CACNG2: variants seen among roughly 807,000 people sequenced by gnomAD.
CACNG2 encodes the protein calcium voltage-gated channel auxiliary subunit gamma 2, also known as voltage-dependent calcium channel gamma-2 subunit.
CACNG2 carries 3 observed loss-of-function variants against 25.9 expected under a neutral mutation model. The ratio of observed to expected loss-of-function variants is 0.12; its 90% CI spans 0.05 to 0.30. The LOEUF (loss-of-function observed/expected upper bound fraction) is 0.30. Ranked by LOEUF, CACNG2 falls within the 10% of genes least tolerant of loss-of-function variation. CACNG2 has a pLI of 1.00. For missense variants in CACNG2, 341 were observed against 432.5 expected (o/e 0.79, Z 1.88); for synonymous variants, 167 against 173.3 (o/e 0.96, Z 0.29).
intron 1 of CACNG2, among the ~76,000 whole-genome samples, chr22:36,694,699 T>G (rs1183278564): frequency 6.6e-6 from 1 of 152,154 alleles, no homozygotes; most frequent in Non-Finnish European, 1.5e-5. Flanking sequence ...GGTCCCCTGC[T>G]AGGACTCCCC....
chr22:36,611,165 G>A (rs1053179933), intron 1 of CACNG2, among the ~76,000 whole-genome samples: 17 of 152,264 alleles, frequency 1.1e-4, no homozygotes, highest in South Asian at 6.2e-4. Context: ...GATCTGCAGC[G>A]CTGTCAAGGG....
At chr22:36,574,650 C>T (rs540581807) in intron 2 of CACNG2, among the ~76,000 whole-genome samples, 2 of 152,078 alleles carry the variant, frequency 1.3e-5, no homozygotes, top group Non-Finnish European at 2.9e-5. Flanking sequence ...GGGGTGGTGG[C>T]GCATCCCTGT....
intron 1 of CACNG2, among the ~76,000 whole-genome samples, chr22:36,590,590 A>G: frequency 6.6e-6 from 1 of 152,104 alleles, no homozygotes; most frequent in East Asian, 1.9e-4. Context: ...AGCACCGCCC[A>G]CTACCAGGCC....
intron 1 of CACNG2, among the ~76,000 whole-genome samples, chr22:36,687,068 T>C (rs1402141080): frequency 6.6e-6 from 1 of 152,180 alleles, no homozygotes; most frequent in Admixed American, 6.5e-5. Flanking sequence ...TTTGCCCTTG[T>C]TTTTTTGTGC....
intron 1 of CACNG2, among the ~76,000 whole-genome samples, chr22:36,679,185 CCTTCCTTCCTTCCTTTCTTTCTTTCTTT>C (rs1334843950): frequency 1.9e-4 from 19 of 102,584 alleles, no homozygotes; most frequent in African/African-American, 8.4e-4. Flanking sequence ...TTCCTTCCTT[CCTTCCTTCCTTCCTTTCTTTCTTTCTTT>C]CTTTCTTTCT....
rs1425731399 is a variant in CACNG2 at position 36,672,661 on chromosome 22, C to T, written c.211+29705G>A. On this transcript the variant is annotated intron_variant, in intron 1 of 3. Coordinates refer to ENST00000300105, the MANE Select transcript of CACNG2 (RefSeq NM_006078.5). ...CCTCCAGTTCTCAGTTCACGAGGTCCGTTCTCCTTCTCCAGGATCCCTGCA... is the reference window on the plus strand; with the variant it reads ...CCTCCAGTTCTCAGTTCACGAGGTCTGTTCTCCTTCTCCAGGATCCCTGCA... 3.9e-5 allele frequency among the ~76,000 whole-genome samples: 6 copies of T among 152,176 alleles called. No homozygotes were observed. In the South Asian group the frequency reaches 6.2e-4, roughly 16 times the overall value.
intron 1 of CACNG2, among the ~76,000 whole-genome samples, chr22:36,622,027 A>G (rs1936113218): frequency 6.6e-6 from 1 of 152,208 alleles, no homozygotes; most frequent in Non-Finnish European, 1.5e-5. Flanking sequence ...CTTTCTATCT[A>G]TGATCTCATT....
chr22:36,680,099 TCACTGCCAC>T (rs1341939704), intron 1 of CACNG2, among the ~76,000 whole-genome samples: 1 of 150,306 alleles, frequency 6.7e-6, no homozygotes, highest in Admixed American at 6.6e-5. Flanking sequence ...ACCTTCAGGA[TCACTGCCAC>T]CTGCATCATG....
At chr22:36,613,311 G>A (rs1935974565) in intron 1 of CACNG2, among the ~76,000 whole-genome samples, 1 of 152,086 alleles carries the variant, frequency 6.6e-6, no homozygotes, top group Non-Finnish European at 1.5e-5. Context: ...TAATGAAAAA[G>A]CAAAATGCAA....
chr22:36,656,597 C>T (rs1390728478), intron 1 of CACNG2, among the ~76,000 whole-genome samples: 1 of 152,180 alleles, frequency 6.6e-6, no homozygotes, highest in Admixed American at 6.5e-5. Flanking sequence ...AAATGACTTT[C>T]CTCCGCTCAA....
chr22:36,633,434 C>T (rs1468545738), intron 1 of CACNG2, among the ~76,000 whole-genome samples: 6 of 152,162 alleles, frequency 3.9e-5, no homozygotes, highest in African/African-American at 9.7e-5. Context: ...TCCCAAGATC[C>T]CTTTTGGTTT....
chr22:36,670,200 A>C (rs1436878495), intron 1 of CACNG2, among the ~76,000 whole-genome samples: 1 of 152,196 alleles, frequency 6.6e-6, no homozygotes, highest in East Asian at 1.9e-4. Flanking sequence ...GCTGGGCTAG[A>C]TGCAGATGGG....
chr22:36,616,906 A>G (rs2267347), intron 1 of CACNG2, among the ~76,000 whole-genome samples: 122,320 of 152,200 alleles, frequency 0.8, 49,416 homozygotes, highest in African/African-American at 0.89. Flanking sequence ...GATGCTGGGC[A>G]CTGGGGAGAG....
chr22:36,641,576 C>A (rs1936443290), intron 1 of CACNG2, among the ~76,000 whole-genome samples: 1 of 152,214 alleles, frequency 6.6e-6, no homozygotes, highest in South Asian at 2.1e-4. Context: ...TGGAGGAAGG[C>A]AAGCCAGGGG....
At chr22:36,592,895 G>A (rs1187929862) in intron 1 of CACNG2, among the ~76,000 whole-genome samples, 1 of 152,200 alleles carries the variant, frequency 6.6e-6, no homozygotes, top group African/African-American at 2.4e-5. Context: ...GTAGTGGGAG[G>A]CTGTGAGAGG....
At chr22:36,681,642 C>G (rs1425707553) in intron 1 of CACNG2, among the ~76,000 whole-genome samples, 1 of 152,156 alleles carries the variant, frequency 6.6e-6, no homozygotes, top group Admixed American at 6.5e-5. Flanking sequence ...ACTCATCACA[C>G]TGGTGCTGAA....
intron 1 of CACNG2, among the ~76,000 whole-genome samples, chr22:36,662,046 CTCAG>C (rs1906656742): frequency 8.0e-6 from 1 of 125,166 alleles, no homozygotes; most frequent in Non-Finnish European, 1.6e-5. Context: ...GTGGCATGAT[CTCAG>C]CTCACTGCAA....
At position 36,564,201 on chromosome 22, in the gene CACNG2, G is replaced by C; in HGVS notation, c.*150C>G. The C allele has an allele frequency of 1.7e-6, 1 of 601,362 alleles. No individual in the cohort carries two copies. The highest frequency in any genetic ancestry group is 2.8e-6 in the Non-Finnish European group (1 of 361,582). The allele number at this position is 601,362 out of a possible 1,614,324, so 37.3% of individuals were successfully genotyped here. ...GTTTTTTCTCTTTTTTTGTGTGTGT[G>C]TGTTTTTTTGTTTTTTGTTTTTTTG... On this transcript the variant is annotated 3_prime_UTR_variant, in exon 4 of 4. Coordinates refer to ENST00000300105, the MANE Select transcript of CACNG2 (RefSeq NM_006078.5). The surrounding 1 kb of genome is among the most constrained non-coding windows in gnomAD (Gnocchi z 6.7).
chr22:36,574,861 T>C (rs1436263893), intron 2 of CACNG2, among the ~76,000 whole-genome samples: 3 of 152,198 alleles, frequency 2.0e-5, no homozygotes, highest in African/African-American at 7.2e-5. Context: ...GGTTTGGTTT[T>C]GGACATGCTG....
Sources: allele counts gnomAD v4.1 joint callset (sites outside exome capture counted in the v4.1 genomes callset), GRCh38; gene constraint gnomAD v4.1.1; non-coding constraint Gnocchi (gnomAD v3.1); transcripts MANE v1.5; gene names NCBI Gene and HGNC (gene_info 2026-07-23, HGNC 2026-07-21).